TACC2: variants seen among roughly 807,000 people sequenced by gnomAD.
TACC2 encodes the protein transforming acidic coiled-coil containing protein 2.
In TACC2, 137 loss-of-function variants were observed where a neutral mutation model predicts 227.3. The observed-to-expected ratio is 0.60, with a 90% CI of 0.52 to 0.69. The LOEUF (loss-of-function observed/expected upper bound fraction) is 0.69. Among genes scored for constraint, TACC2 ranks in the 30% least tolerant of loss-of-function variants. TACC2 has a pLI of 0.00. For missense variants in TACC2, 3,470 were observed against 3,694.4 expected, an observed-to-expected ratio of 0.94 and a Z score of 1.57; for synonymous variants, 1,523 against 1,487.5, an observed-to-expected ratio of 1.02 and a Z score of -0.55.
intron 5 of TACC2, among the ~76,000 whole-genome samples, chr10:122,111,478 C>A (rs961568678): frequency 2.4e-5 from 1 of 42,064 alleles, no homozygotes; most frequent in African/African-American, 4.5e-5. Context: ...TGGATATGAC[C>A]CACAGGGCAC....
intron 13 of TACC2, 94 bp downstream of exon 13, chr10:122,226,575 C>A: frequency 2.3e-6 from 2 of 874,762 alleles, no homozygotes; most frequent in Non-Finnish European, 3.6e-6. Context: ...CATTTCAGTG[C>A]ATAGATTCAG....
chr10:122,004,200 T>G (rs10047293), intron 1 of TACC2, among the ~76,000 whole-genome samples: 1 of 151,940 alleles, frequency 6.6e-6, no homozygotes, highest in South Asian at 2.1e-4. Context: ...GAGTTCAAGA[T>G]CAGCCTGACC....
intron 1 of TACC2, among the ~76,000 whole-genome samples, chr10:121,993,302 C>T (rs1303605432): frequency 6.6e-6 from 1 of 152,192 alleles, no homozygotes; most frequent in Admixed American, 6.5e-5. Context: ...TGAATTTGCA[C>T]TCTGAATACT....
In TACC2 at chr10:122,205,491, G is replaced by T. The variant is rs965720273; in HGVS notation, c.5972-4906G>T. Among the ~76,000 whole-genome samples, 2 of 152,172 alleles carry T rather than the reference G, an allele frequency of 1.3e-5. No homozygotes were observed. Among genetic ancestry groups the T allele is most frequent in the African/African-American group, 4.8e-5 (2 of 41,450 alleles). ...CCCCACAGGAACTTGGAGCTCAAAG[G>T]CCCATCCAAGCTTATCCTCAAAGCT... On this transcript the variant is annotated intron_variant, in intron 8 of 22. Coordinates refer to ENST00000369005, the MANE Select transcript of TACC2 (RefSeq NM_206862.4). The surrounding 1 kb of genome is among the most constrained non-coding windows in gnomAD (Gnocchi z 4.5).
chr10:122,084,765 G>A lies in TACC2; in HGVS notation c.2265G>A (p.Leu755=), dbSNP rs2079910341. 1 of 1,613,622 alleles carries A rather than the reference G, an allele frequency of 6.2e-7. No homozygotes were observed. The highest frequency in any genetic ancestry group is 8.5e-7 in the Non-Finnish European group (1 of 1,180,034). ...RKMGSCDGEG[L]LTSPDQPRGP... is the part of the protein sequence containing the mutation. ...TGGGCAGCTGTGATGGGGAGGGCTT[G>A]CTGACGTCCCCAGATCAACCCCGCG... Residue 755 remains leucine (L), a synonymous_variant, in exon 4 of 23, where the codon TTG becomes TTA. Transcript: ENST00000369005.
At chr10:122,144,993 T>C (rs2139288441) in intron 7 of TACC2, among the ~76,000 whole-genome samples, 1 of 152,318 alleles carries the variant, frequency 6.6e-6, no homozygotes, top group East Asian at 1.9e-4. Flanking sequence ...AAGCAGAGGT[T>C]GGGGAGCAGG....
At chr10:122,100,500 T>G (rs1356276805) in intron 5 of TACC2, among the ~76,000 whole-genome samples, 3 of 150,980 alleles carry the variant, frequency 2.0e-5, no homozygotes, top group Non-Finnish European at 4.4e-5. Flanking sequence ...CTTAGCTCAC[T>G]GCAACCTCCA....
intron 5 of TACC2, among the ~76,000 whole-genome samples, chr10:122,111,322 T>C (rs568100975): frequency 6.6e-6 from 1 of 152,332 alleles, no homozygotes; most frequent in South Asian, 2.1e-4. Flanking sequence ...AGTGGCACCT[T>C]CCTCTGTCTT....
intron 19 of TACC2, among the ~76,000 whole-genome samples, chr10:122,244,761 C>T (rs1053361263): frequency 6.6e-6 from 1 of 152,154 alleles, no homozygotes; most frequent in Non-Finnish European, 1.5e-5. Context: ...TGAAGTCAAA[C>T]CAGCTCCAGC....
chr10:122,031,630 C>T (rs1019967388), intron 2 of TACC2, among the ~76,000 whole-genome samples: 1 of 152,012 alleles, frequency 6.6e-6, no homozygotes, highest in Non-Finnish European at 1.5e-5. Context: ...GTCTCGATCT[C>T]CTGACCTTGT....
chr10:122,109,578 G>A (rs1161957344), intron 5 of TACC2, among the ~76,000 whole-genome samples: 1 of 152,122 alleles, frequency 6.6e-6, no homozygotes, highest in Non-Finnish European at 1.5e-5. Flanking sequence ...AGAGGCTGGG[G>A]GCCCAAGAAG....
rs145795749 is a variant in TACC2, at chr10:122,195,933, C to T, written c.5971+757C>T. 3.0e-4 allele frequency among the ~76,000 whole-genome samples: 45 copies of T among 152,302 alleles called. 2 individuals carry two copies. The highest frequency in any genetic ancestry group is 1.9e-3 in the Admixed American group (29 of 15,304). On this transcript the variant is annotated intron_variant, in intron 8 of 22. Coordinates refer to ENST00000369005, the MANE Select transcript of TACC2 (RefSeq NM_206862.4). Reference sequence around the variant, plus strand: ...GGACAGCTCTGGGCCCCACAACTTACAGGACCCCACTTTGGCCTTCCTTGG... The same window carrying T: ...GGACAGCTCTGGGCCCCACAACTTATAGGACCCCACTTTGGCCTTCCTTGG...
In TACC2 at chr10:122,111,677, G is replaced by A. The variant is rs557930629; in HGVS notation, c.5574-20932G>A. Among the ~76,000 whole-genome samples the A allele has an allele frequency of 7.5e-5, 11 of 146,704 alleles. 1 individual carries two copies. The South Asian group carries it at 2.4e-3, about 31-fold the overall frequency. ...AGCTATTTTTTTTTTTGTATTTTTA[G>A]TAGAGACGGGGTTTCACCATGTTGG... On this transcript the variant is annotated intron_variant, in intron 5 of 22. Transcript: ENST00000369005.
intron 7 of TACC2, among the ~76,000 whole-genome samples, chr10:122,169,500 A>C (rs1465866062): frequency 6.6e-6 from 1 of 152,170 alleles, no homozygotes; most frequent in East Asian, 1.9e-4. Flanking sequence ...TACAGTTCAA[A>C]AGCAGCCAGA....
intron 5 of TACC2, among the ~76,000 whole-genome samples, chr10:122,097,908 T>C (rs1243009191): frequency 2.0e-5 from 3 of 152,050 alleles, no homozygotes; most frequent in African/African-American, 2.4e-5. Context: ...ACCCAGCAAA[T>C]GTGCACCCAA....
At chr10:122,231,524 T>C (rs1245972814) in intron 16 of TACC2, among the ~76,000 whole-genome samples, 2 of 152,216 alleles carry the variant, frequency 1.3e-5, no homozygotes, top group Non-Finnish European at 2.9e-5. Flanking sequence ...AAAGCTGCTG[T>C]TGTTAGCTGA....
chr10:122,137,778 C>T (rs1592476159), intron 6 of TACC2, among the ~76,000 whole-genome samples: 1 of 152,308 alleles, frequency 6.6e-6, no homozygotes, highest in Middle Eastern at 3.4e-3. Flanking sequence ...ACCTGCATTT[C>T]CAGTCCTTGG....
intron 11 of TACC2, among the ~76,000 whole-genome samples, chr10:122,224,173 C>T (rs954240792): frequency 1.3e-5 from 2 of 152,202 alleles, no homozygotes; most frequent in African/African-American, 4.8e-5. Flanking sequence ...GCCCTGAAGA[C>T]ACTGGTAGAA....
At chr10:122,059,077 T>C (rs1323057323) in intron 3 of TACC2, among the ~76,000 whole-genome samples, 2 of 144,108 alleles carry the variant, frequency 1.4e-5, no homozygotes, top group Non-Finnish European at 3.1e-5. Flanking sequence ...TTGTTGTTGT[T>C]GTTGTTGTTG....
Sources: allele counts gnomAD v4.1 joint callset (sites outside exome capture counted in the v4.1 genomes callset), GRCh38; gene constraint gnomAD v4.1.1; non-coding constraint Gnocchi (gnomAD v3.1); transcripts MANE v1.5; gene names NCBI Gene and HGNC (gene_info 2026-07-23, HGNC 2026-07-21).